TEX14: variants seen among roughly 807,000 people sequenced by gnomAD.
TEX14 encodes the protein inactive serine/threonine-protein kinase TEX14.
Under a neutral mutation model 178.6 loss-of-function variants are expected in TEX14, and 168 were observed. The ratio of observed to expected loss-of-function variants is 0.94; its 90% CI spans 0.83 to 1.07. The LOEUF (loss-of-function observed/expected upper bound fraction) is 1.07, where lower values mean the gene tolerates loss of function less well. TEX14 is among the 50% of genes least tolerant of loss of function. The pLI, the probability that TEX14 is intolerant of heterozygous loss-of-function variation, is 0.00. For missense variants in TEX14, 1,730 were observed against 1,753.6 expected (o/e 0.99, Z 0.24); for synonymous variants, 626 against 634.1 (o/e 0.99, Z 0.19).
At chr17:58,566,996 T>C (rs1757278244) in intron 26 of TEX14, among the ~76,000 whole-genome samples, 2 of 149,190 alleles carry the variant, frequency 1.3e-5, no homozygotes, top group African/African-American at 5.0e-5. Context: ...GTGAACCCCA[T>C]CTCTACTAAA....
intron 1 of TEX14, among the ~76,000 whole-genome samples, chr17:58,680,448 T>C (rs1364112283): frequency 6.6e-6 from 1 of 152,134 alleles, no homozygotes; most frequent in Non-Finnish European, 1.5e-5. Context: ...AATTCTAATT[T>C]TGAATGAAGC....
rs571302278 is a variant in TEX14 at position 58,629,703 on chromosome 17, C to T, written c.251+737G>A. Among the ~76,000 whole-genome samples the T allele has an allele frequency of 1.7e-4, 25 of 150,796 alleles. No individual in the cohort carries two copies. The South Asian group carries it at 5.0e-3, about 30-fold the overall frequency. On this transcript the variant is annotated intron_variant, in intron 3 of 31. Coordinates refer to ENST00000349033, the MANE Select transcript of TEX14 (RefSeq NM_031272.5). ...ACAAAAAATTAGCCCGGCGTGGTGG[C>T]AGGTGCCTGTAGTCCCAGCTCCTCA...
intron 1 of TEX14, among the ~76,000 whole-genome samples, chr17:58,672,827 G>A (rs2047325871): frequency 6.6e-6 from 1 of 152,028 alleles, no homozygotes; most frequent in South Asian, 2.1e-4. Flanking sequence ...TGCCTCCTGG[G>A]TTCAAGCGAT....
At chr17:58,650,641 T>C (rs2046820761) in intron 2 of TEX14, among the ~76,000 whole-genome samples, 2 of 152,120 alleles carry the variant, frequency 1.3e-5, no homozygotes, top group South Asian at 4.1e-4. Flanking sequence ...TTTTTATTTT[T>C]TGTAGAGACA....
intron 1 of TEX14, among the ~76,000 whole-genome samples, chr17:58,679,984 A>G (rs2047473903): frequency 6.6e-6 from 1 of 152,162 alleles, no homozygotes; most frequent in East Asian, 1.9e-4. Flanking sequence ...ACTGAAATAA[A>G]ACTTAAAAAT....
chr17:58,582,312 T>C (rs2144400122), intron 19 of TEX14, among the ~76,000 whole-genome samples: 1 of 152,310 alleles, frequency 6.6e-6, no homozygotes, highest in East Asian at 1.9e-4. Context: ...CAGACTGGAG[T>C]GCAGAGGTGC....
intron 14 of TEX14, among the ~76,000 whole-genome samples, chr17:58,598,315 CAAA>C (rs528645875): frequency 3.6e-5 from 3 of 84,064 alleles, no homozygotes; most frequent in Admixed American, 1.3e-4. Flanking sequence ...ACTCTGTCTC[CAAA>C]AAAAAAAAAA....
chr17:58,577,900 G>A (rs561865118), intron 20 of TEX14, among the ~76,000 whole-genome samples: 39 of 152,314 alleles, frequency 2.6e-4, no homozygotes, highest in African/African-American at 8.9e-4. Flanking sequence ...GGGCGTGGGC[G>A]TGGGCGTGGG....
chr17:58,571,874 CT>C (rs1451852113), intron 24 of TEX14, 46 bp downstream of exon 24: 1 of 1,570,562 alleles, frequency 6.4e-7, no homozygotes, highest in Non-Finnish European at 8.7e-7. Flanking sequence ...TCACTGGGCC[CT>C]TTGGGCTGAC....
At chr17:58,601,744 C>G in intron 13 of TEX14, 62 bp downstream of exon 13, 8 of 1,476,716 alleles carry the variant, frequency 5.4e-6, no homozygotes, top group Admixed American at 1.8e-5. Context: ...TTAGTTGCAG[C>G]TCATGTGACT....
At chr17:58,581,414 A>G (rs2044815023) in intron 19 of TEX14, among the ~76,000 whole-genome samples, 1 of 152,202 alleles carries the variant, frequency 6.6e-6, no homozygotes, top group Non-Finnish European at 1.5e-5. Flanking sequence ...CCCATCCTCA[A>G]AAATAAAAAA....
Position 58,576,284 on chromosome 17 carries a change from G to A in TEX14, c.3320+1091C>T, listed in dbSNP as rs143984595. On this transcript the variant is annotated intron_variant, in intron 21 of 31. Coordinates refer to ENST00000349033, the MANE Select transcript of TEX14 (RefSeq NM_031272.5). ...GTGGATCACCTGAGGTCAAGAGTTCGAGATCAACCTGGCCAACATGGTGAA... is the reference window on the plus strand; with the variant it reads ...GTGGATCACCTGAGGTCAAGAGTTCAAGATCAACCTGGCCAACATGGTGAA... Among the ~76,000 whole-genome samples, 820 of 152,282 alleles carry A rather than the reference G, an allele frequency of 5.4e-3. 5 individuals carry two copies. Among genetic ancestry groups the A allele is most frequent in the African/African-American group, 0.018 (759 of 41,564 alleles).
chr17:58,621,886 C>A, intron 4 of TEX14, 100 bp from the exon 5 acceptor site: 1 of 1,349,364 alleles, frequency 7.4e-7, no homozygotes, highest in African/African-American at 1.5e-5. Flanking sequence ...TGAGAGCCCC[C>A]AACAGAAAAA....
At chr17:58,667,272 T>C (rs1247336669) in intron 1 of TEX14, among the ~76,000 whole-genome samples, 1 of 152,188 alleles carries the variant, frequency 6.6e-6, no homozygotes, top group African/African-American at 2.4e-5. Flanking sequence ...TGGACTGCAA[T>C]ATAGCGTTCA....
intron 9 of TEX14, among the ~76,000 whole-genome samples, chr17:58,613,101 C>T (rs2045785296): frequency 6.6e-6 from 1 of 151,780 alleles, no homozygotes. Flanking sequence ...ACTCGGGAGG[C>T]TGAGGCAGGA....
rs1785039878 is a variant in TEX14, at chr17:58,601,822, T to C, written c.1662A>G (p.Ile554Met). Reference sequence around the variant, plus strand: ...AGGCCATACCCATTTCCTTTAGTTCTATGATTTCCATGTCAGGTGTCTCTC... The same window carrying C: ...AGGCCATACCCATTTCCTTTAGTTCCATGATTTCCATGTCAGGTGTCTCTC... The part of the protein sequence containing the change: ...HPRETPDMEI[I>M]ELKEMGSQPH... The change falls in exon 13 of 32, where the codon ATA becomes ATG. Residue 554 changes from isoleucine to methionine, a missense_variant. This residue lies in a region of TEX14 where 941 missense variants were observed against 1,072.4 expected (regional missense o/e 0.88). Coordinates refer to ENST00000349033, the MANE Select transcript of TEX14 (RefSeq NM_031272.5). 6.2e-7 allele frequency: 1 copy of C among 1,613,040 alleles called. No homozygotes were observed. Among genetic ancestry groups the C allele is most frequent in the Non-Finnish European group, 8.5e-7 (1 of 1,179,964 alleles).
chr17:58,590,328 G>A lies in TEX14; in HGVS notation c.2577-2307C>T, dbSNP rs189106867. On this transcript the variant is annotated intron_variant, in intron 15 of 31. Coordinates refer to ENST00000349033, the MANE Select transcript of TEX14 (RefSeq NM_031272.5). ...TGCAAGGAAGCCTGGGCGACAGAGC[G>A]AGACCCTGTCTTAAAAAGGAGGGGA... Among the ~76,000 whole-genome samples the A allele has an allele frequency of 3.2e-3, 480 of 150,738 alleles. 4 individuals carry two copies. Among genetic ancestry groups the A allele is most frequent in the Non-Finnish European group, 4.9e-3 (333 of 67,868 alleles).
intron 14 of TEX14, among the ~76,000 whole-genome samples, chr17:58,597,950 C>T (rs1023197439): frequency 6.6e-6 from 1 of 152,078 alleles, no homozygotes; most frequent in African/African-American, 2.4e-5. Context: ...TTTGATCCAC[C>T]AGGTCCCTCA....
At position 58,621,738 on chromosome 17, in the gene TEX14, GGAT is replaced by G; in HGVS notation, c.463_465del (p.Ile155del). On this transcript the variant is annotated inframe_deletion, in exon 5 of 32. Coordinates refer to ENST00000349033, the MANE Select transcript of TEX14 (RefSeq NM_031272.5). The stretch of plus-strand genomic sequence containing the variant: ...TTCAGGAGGTCGTAAGAGAAGCCCT[GGAT>G]GATGGCCTGCATGTGTGAGGCACAG... The G allele has an allele frequency of 6.2e-6, 10 of 1,614,198 alleles. No individual in the cohort carries two copies. Among genetic ancestry groups the G allele is most frequent in the African/African-American group, 1.3e-5 (1 of 75,058 alleles).
Sources: gnomAD v4.1 joint callset for allele counts (sites outside exome capture counted in the v4.1 genomes callset) on GRCh38, gnomAD v4.1.1 for gene constraint, gnomAD v4.1.1 regional missense constraint, MANE v1.5 for transcripts, NCBI Gene and HGNC (gene_info 2026-07-23, HGNC 2026-07-21) for gene names.